The following TOP1MT variants were observed in gnomAD, a reference collection of about 807,000 sequenced individuals.
The protein encoded by TOP1MT is DNA topoisomerase I mitochondrial, also known as DNA topoisomerase I, mitochondrial.
Under a neutral mutation model 73.9 loss-of-function variants are expected in TOP1MT, and 80 were observed. The ratio of observed to expected loss-of-function variants is 1.08; its 90% CI spans 0.90 to 1.30. TOP1MT has a LOEUF of 1.30. Among genes scored for constraint, TOP1MT ranks in the 50% most tolerant of loss-of-function variants. TOP1MT has a pLI of 0.00. For synonymous variants in TOP1MT, 338 were observed against 326.4 expected (o/e 1.04, Z -0.38); for missense variants, 815 against 808.0 (o/e 1.01, Z -0.10).
At position 143,324,063 on chromosome 8, in the gene TOP1MT, G is replaced by A. The variant is rs373121260; in HGVS notation, c.896C>T (p.Ala299Val). ...CTTCATTTCCCGAGACTTCCAGTCA[G>A]CCCGGTACTGGGAGCGGATCTCGTC... ...FVDEIRSQYR[A>V]DWKSREMKTR... The change falls in exon 7 of 14, where the codon GCT becomes GTT. Residue 299 changes from alanine (A) to valine (V), a missense_variant. Physicochemically the swap from Ala to Val is moderately conservative, Grantham distance 64 (BLOSUM62 0). Around this residue, in one of 3 missense-constraint regions of TOP1MT, gnomAD observed 751 missense variants for 725.4 expected, o/e 1.04. Transcript: ENST00000329245. The A allele has an allele frequency of 5.0e-6, 8 of 1,613,776 alleles. No homozygotes were observed. In the African/African-American group the frequency reaches 1.1e-4, roughly 22 times the overall value.
At chr8:143,333,444 G>T (rs1409903942) in intron 1 of TOP1MT, among the ~76,000 whole-genome samples, 1 of 152,104 alleles carries the variant, frequency 6.6e-6, no homozygotes, top group Non-Finnish European at 1.5e-5. Context: ...GCAAGATTTT[G>T]TCTCAAATAA....
chr8:143,320,276 T>C (rs11784916), intron 8 of TOP1MT, among the ~76,000 whole-genome samples: 76,252 of 151,558 alleles, frequency 0.5, 20,638 homozygotes, highest in East Asian at 0.76. Flanking sequence ...CTATAGGCGC[T>C]CGCCACGATG....
In TOP1MT at chr8:143,316,133, G is replaced by A. The variant is rs1260528957; in HGVS notation, c.1331-7C>T. 1.2e-6 allele frequency: 2 copies of A among 1,614,056 alleles called. No individual in the cohort carries two copies. The highest frequency in any genetic ancestry group is 1.1e-5 in the South Asian group (1 of 91,090). ...GCTGCTATGCTGTCCTCGGCTGAGA[G>A]GCACGGGCTGTCAGAGGCAGCACCC... On this transcript the variant is annotated splice_polypyrimidine_tract_variant and splice_region_variant and intron_variant, in intron 10 of 13. Coordinates refer to ENST00000329245, the MANE Select transcript of TOP1MT (RefSeq NM_052963.3).
chr8:143,318,268 G>C (rs1239469528), intron 8 of TOP1MT, among the ~76,000 whole-genome samples, 182 bp from the exon 9 acceptor site: 3 of 152,212 alleles, frequency 2.0e-5, no homozygotes, highest in African/African-American at 7.2e-5. Context: ...CAGTGTGGCA[G>C]TCACCGCTAC....
At chr8:143,325,047 A>G (rs1042161039) in intron 5 of TOP1MT, among the ~76,000 whole-genome samples, 2 of 152,214 alleles carry the variant, frequency 1.3e-5, no homozygotes, top group African/African-American at 4.8e-5. Flanking sequence ...AATAAGTTCA[A>G]AACACCTAAT....
At chr8:143,321,641 CCACACACAGGCACGCCA>C (rs1816380268) in intron 7 of TOP1MT, among the ~76,000 whole-genome samples, 9 of 75,126 alleles carry the variant, frequency 1.2e-4, no homozygotes, top group Admixed American at 3.6e-4. Flanking sequence ...CACAGGCACG[CCACACACAGGCACGCCA>C]CACACACGCA....
At chr8:143,330,990 ACAGCCAGTGCAGGCT>A (rs1411110338) in intron 2 of TOP1MT, among the ~76,000 whole-genome samples, 1 of 152,190 alleles carries the variant, frequency 6.6e-6, no homozygotes, top group African/African-American at 2.4e-5. Flanking sequence ...CACAACAGGC[ACAGCCAGTGCAGGCT>A]CAGCAGGAAA....
At chr8:143,328,706 C>A (rs961902859) in intron 3 of TOP1MT, among the ~76,000 whole-genome samples, 1 of 152,254 alleles carries the variant, frequency 6.6e-6, no homozygotes, top group Non-Finnish European at 1.5e-5. Flanking sequence ...TAATCAAACA[C>A]CCACGAATAG....
At chr8:143,328,823 A>T (rs1298547941) in intron 3 of TOP1MT, among the ~76,000 whole-genome samples, 2 of 152,228 alleles carry the variant, frequency 1.3e-5, no homozygotes, top group South Asian at 2.1e-4. Flanking sequence ...GGTGTGGGGC[A>T]GACAGAAACC....
At chr8:143,323,900 C>T (rs566094694) in intron 7 of TOP1MT, 99 bp downstream of exon 7, 1 of 1,411,910 alleles carries the variant, frequency 7.1e-7, no homozygotes, top group East Asian at 2.3e-5. Context: ...GGTTCCACCC[C>T]ACACACAGGC....
intron 10 of TOP1MT, among the ~76,000 whole-genome samples, chr8:143,316,450 G>A (rs1266773459): frequency 1.3e-5 from 2 of 151,492 alleles, no homozygotes; most frequent in Admixed American, 6.6e-5. Flanking sequence ...CCCAGCACCC[G>A]GCTTCCCCTG....
intron 7 of TOP1MT, 96 bp from the exon 8 acceptor site, chr8:143,321,482 C>A: frequency 2.5e-6 from 1 of 397,192 alleles, no homozygotes; most frequent in South Asian, 8.8e-5. Context: ...GCACGCCACA[C>A]GCACGCCACA....
At chr8:143,349,950 T>A (rs756388242), upstream of TOP1MT, among the ~76,000 whole-genome samples, 12 of 152,126 alleles carry the variant, frequency 7.9e-5, no homozygotes, top group Admixed American at 4.6e-4. Flanking sequence ...CTCATCTGTG[T>A]ATTTTCATTT....
chr8:143,325,517 GCCT>G lies in TOP1MT; in HGVS notation c.497_499del (p.Glu166del). The G allele has an allele frequency of 1.2e-6, 2 of 1,608,514 alleles. No individual in the cohort carries two copies. The highest frequency in any genetic ancestry group is 1.7e-6 in the Non-Finnish European group (2 of 1,175,380). On this transcript the variant is annotated inframe_deletion, in exon 5 of 14. Transcript: ENST00000329245. ...GCCGAACTCTTGCTGAAGTTTTTCTGCCTCTTCTTTTAGCTTCTGAGTTAATAA... is the reference window on the plus strand; with the variant it reads ...GCCGAACTCTTGCTGAAGTTTTTCTGCTTCTTTTAGCTTCTGAGTTAATAA...
chr8:143,322,936 A>G (rs1408002244), intron 7 of TOP1MT, among the ~76,000 whole-genome samples: 1 of 93,092 alleles, frequency 1.1e-5, no homozygotes, highest in Non-Finnish European at 2.2e-5. Flanking sequence ...CGCCACACAC[A>G]GGCACGCCAC....
intron 7 of TOP1MT, among the ~76,000 whole-genome samples, chr8:143,323,079 G>A (rs540182321): frequency 1.8e-5 from 2 of 110,646 alleles, no homozygotes; most frequent in East Asian, 2.9e-4. Context: ...ACACACGCAC[G>A]CCACACACAG....
intron 11 of TOP1MT, 73 bp downstream of exon 11, chr8:143,315,926 C>A: frequency 1.2e-6 from 2 of 1,608,890 alleles, no homozygotes; most frequent in South Asian, 2.2e-5. Flanking sequence ...GGCTCCCAGG[C>A]CTGTGCCGAG....
At chr8:143,332,523 A>G (rs1464121438) in intron 1 of TOP1MT, 4 of 1,289,408 alleles carry the variant, frequency 3.1e-6, no homozygotes, top group East Asian at 5.5e-5. Context: ...GACCCCAGCC[A>G]GGTAGTGCTG....
chr8:143,342,713 G>A lies in TOP1MT; in HGVS notation c.29+507C>T, dbSNP rs867171856. Among the ~76,000 whole-genome samples the A allele has an allele frequency of 1.2e-4, 13 of 104,966 alleles. 1 individual carries two copies. Among genetic ancestry groups the A allele is most frequent in the Admixed American group, 2.0e-4 (2 of 10,124 alleles). The allele number at this position is 104,966 out of a possible 152,430, so 68.9% of individuals were successfully genotyped here. On this transcript the variant is annotated intron_variant, in intron 2 of 5. Transcript: ENST00000518007. ...TTATTATTAGAGACAGAGTCTCGCT[G>A]TTATTATTATTATTAGAGACAGAGT...
Sources: allele counts gnomAD v4.1 joint callset (sites outside exome capture counted in the v4.1 genomes callset), GRCh38; gene constraint gnomAD v4.1.1; regional missense constraint gnomAD v4.1.1; transcripts MANE v1.5; gene names NCBI Gene and HGNC (gene_info 2026-07-23, HGNC 2026-07-21).